Variants in PRELID2 observed in about 807,000 individuals in gnomAD.
PRELID2 encodes PRELI domain-containing protein 2.
PRELID2 carries 25 observed loss-of-function variants against 28.4 expected under a neutral mutation model. The observed-to-expected ratio is 0.88, with a 90% CI of 0.64 to 1.23. The LOEUF (loss-of-function observed/expected upper bound fraction) is 1.23. Ranked by LOEUF, PRELID2 falls within the 50% of genes most tolerant of loss-of-function variation. PRELID2 has a pLI of 0.00. For missense variants in PRELID2, 201 were observed against 214.4 expected, an observed-to-expected ratio of 0.94 and a Z score of 0.39; for synonymous variants, 76 against 71.6, an observed-to-expected ratio of 1.06 and a Z score of -0.31.
At chr5:145,610,742 A>AT (rs1436705280) in intron 1 of PRELID2, among the ~76,000 whole-genome samples, 1 of 152,092 alleles carries the variant, frequency 6.6e-6, no homozygotes. Flanking sequence ...TAAGACAAGT[A>AT]TTTTCTCCTA....
chr5:145,676,492 C>T (rs1487754281), intron 1 of PRELID2, among the ~76,000 whole-genome samples: 1 of 151,826 alleles, frequency 6.6e-6, no homozygotes, highest in Admixed American at 6.6e-5. Context: ...TGAGCCAAGG[C>T]CACACCACTG....
chr5:145,330,217 T>C, the PRELID2 span, among the ~76,000 whole-genome samples: 104 of 152,314 alleles, frequency 6.8e-4, 2 homozygotes, highest in East Asian at 0.018. Context: ...TCATCAGGAA[T>C]ATTGACCTGA....
intron 1 of PRELID2, among the ~76,000 whole-genome samples, chr5:145,668,986 G>C (rs1754651001): frequency 6.6e-6 from 1 of 151,998 alleles, no homozygotes; most frequent in African/African-American, 2.4e-5. Flanking sequence ...ATCATATCTA[G>C]AGTCACTTCC....
chr5:145,408,668 A>G, the PRELID2 span, among the ~76,000 whole-genome samples: 27 of 152,086 alleles, frequency 1.8e-4, no homozygotes, highest in Admixed American at 4.6e-4. Flanking sequence ...GAAAAAGACA[A>G]AGAAAAAAGC....
chr5:145,482,928 C>G (rs746345590), intron 1 of PRELID2, among the ~76,000 whole-genome samples: 19 of 152,024 alleles, frequency 1.2e-4, no homozygotes, highest in Non-Finnish European at 2.6e-4. Context: ...AGGCAGAGCT[C>G]AGGCGGTAAT....
Position 145,729,776 on chromosome 5 carries a change from G to A in PRELID2, n.70+35155C>T, listed in dbSNP as rs181864134. Among the ~76,000 whole-genome samples the A allele has an allele frequency of 9.0e-4, 137 of 152,268 alleles. 1 individual carries two copies. Among genetic ancestry groups the A allele is most frequent in the African/African-American group, 3.0e-3 (126 of 41,550 alleles). On this transcript the variant is annotated intron_variant and non_coding_transcript_variant, in intron 1 of 2. Coordinates refer to the PRELID2 transcript ENST00000510259. Reference sequence around the variant, plus strand: ...GGGTGATCAGACCCAACACCAGGTCGTGGGGGCAATGAAGTCCGGTGGAGT... The same window carrying A: ...GGGTGATCAGACCCAACACCAGGTCATGGGGGCAATGAAGTCCGGTGGAGT...
At chr5:145,382,437 A>C in the PRELID2 span, among the ~76,000 whole-genome samples, 1 of 152,064 alleles carries the variant, frequency 6.6e-6, no homozygotes, top group Non-Finnish European at 1.5e-5. Flanking sequence ...TTTTATAGTA[A>C]AATTTCTGAA....
chr5:145,320,245 C>T, the PRELID2 span, among the ~76,000 whole-genome samples: 1 of 151,758 alleles, frequency 6.6e-6, no homozygotes, highest in Non-Finnish European at 1.5e-5. Context: ...GCAGTTGTCA[C>T]ATATCAAAAC....
At chr5:145,569,733 T>C (rs988346457) in intron 1 of PRELID2, among the ~76,000 whole-genome samples, 1 of 152,226 alleles carries the variant, frequency 6.6e-6, no homozygotes, top group Non-Finnish European at 1.5e-5. Flanking sequence ...AAATTAGACA[T>C]TTTGTCAGGC....
the PRELID2 span, among the ~76,000 whole-genome samples, chr5:145,280,186 C>A: frequency 6.6e-6 from 1 of 152,148 alleles, no homozygotes; most frequent in South Asian, 2.1e-4. Context: ...CATGCCGGCC[C>A]CCTCCCTATG....
intron 1 of PRELID2, among the ~76,000 whole-genome samples, chr5:145,697,195 T>C (rs1755298907): frequency 6.6e-6 from 1 of 151,346 alleles, no homozygotes; most frequent in African/African-American, 2.4e-5. Context: ...TATATTTGAC[T>C]GGTATGGTAT....
chr5:145,564,979 G>C (rs1752953756), intron 1 of PRELID2, among the ~76,000 whole-genome samples: 1 of 152,182 alleles, frequency 6.6e-6, no homozygotes, highest in African/African-American at 2.4e-5. Flanking sequence ...TCCGTGGGCT[G>C]CACCCACTGT....
intron 1 of PRELID2, among the ~76,000 whole-genome samples, chr5:145,574,853 A>C (rs2149620451): frequency 6.6e-6 from 1 of 152,344 alleles, no homozygotes; most frequent in South Asian, 2.1e-4. Flanking sequence ...ATGCTATGTA[A>C]GTAGCTGTCA....
At chr5:145,472,183 A>T (rs1007860346) in intron 2 of PRELID2, 1 of 152,114 alleles carries the variant, frequency 6.6e-6, no homozygotes, top group African/African-American at 2.4e-5. Context: ...CCCCTCCAAG[A>T]TCACACATAA....
chr5:145,580,515 C>G (rs1341636390), intron 1 of PRELID2, among the ~76,000 whole-genome samples: 1 of 152,056 alleles, frequency 6.6e-6, no homozygotes, highest in Non-Finnish European at 1.5e-5. Flanking sequence ...ACACTGTCCA[C>G]TGACTACCCT....
chr5:145,424,517 C>T, the PRELID2 span, among the ~76,000 whole-genome samples: 11 of 152,304 alleles, frequency 7.2e-5, no homozygotes, highest in East Asian at 3.9e-4. Context: ...CGTCAGTCAC[C>T]GCTTTCTTTG....
chr5:145,471,134 G>A (rs1284248074), downstream of PRELID2, among the ~76,000 whole-genome samples: 1 of 152,086 alleles, frequency 6.6e-6, no homozygotes, highest in African/African-American at 2.4e-5. Context: ...GCTTAACAAA[G>A]TTGAGTTTGA....
the PRELID2 span, among the ~76,000 whole-genome samples, chr5:145,350,520 A>AT: frequency 6.6e-6 from 1 of 152,192 alleles, no homozygotes; most frequent in African/African-American, 2.4e-5. Context: ...GATTGAGGCC[A>AT]TTATGAAGCC....
At chr5:145,703,157 C>A (rs1023704121) in intron 1 of PRELID2, among the ~76,000 whole-genome samples, 2 of 152,120 alleles carry the variant, frequency 1.3e-5, no homozygotes, top group African/African-American at 4.8e-5. Flanking sequence ...AATTACCAAG[C>A]AAACACAATC....
Sources: allele counts gnomAD v4.1 joint callset (sites outside exome capture counted in the v4.1 genomes callset), GRCh38; gene constraint gnomAD v4.1.1; transcripts MANE v1.5; gene names NCBI Gene and HGNC (gene_info 2026-07-23, HGNC 2026-07-21).